The following CCNJL variants were observed in gnomAD, a reference collection of about 807,000 sequenced individuals.
The protein encoded by CCNJL is cyclin J like.
A neutral mutation model predicts 33.4 loss-of-function variants in CCNJL; 33 were observed. That is an observed-to-expected ratio of 0.99 (90% CI 0.75 to 1.32). CCNJL has a LOEUF of 1.32. CCNJL is among the 40% of genes most tolerant of loss of function. The pLI is 0.00. For missense variants in CCNJL, 512 were observed against 499.7 expected (o/e 1.02, Z -0.23); for synonymous variants, 227 against 220.9 (o/e 1.03, Z -0.24).
intron 1 of CCNJL, among the ~76,000 whole-genome samples, chr5:160,320,954 T>C (rs1763444186): frequency 6.9e-6 from 1 of 145,422 alleles, no homozygotes; most frequent in African/African-American, 2.6e-5. Context: ...CTTCCCTCCT[T>C]CTCTCCTCTC....
chr5:160,290,360 G>C (rs565492673), intron 2 of CCNJL, among the ~76,000 whole-genome samples: 1 of 151,778 alleles, frequency 6.6e-6, no homozygotes, highest in Non-Finnish European at 1.5e-5. Flanking sequence ...CCGCCTTCTA[G>C]GTTCAAGAGA....
chr5:160,298,408 G>A (rs532498532), intron 2 of CCNJL, among the ~76,000 whole-genome samples: 6 of 152,164 alleles, frequency 3.9e-5, no homozygotes, highest in African/African-American at 1.2e-4. Context: ...GGCAATTTGC[G>A]GGCTGCACAG....
intron 2 of CCNJL, among the ~76,000 whole-genome samples, chr5:160,302,953 T>C (rs939941055): frequency 5.3e-5 from 8 of 152,156 alleles, no homozygotes; most frequent in Non-Finnish European, 8.8e-5. Flanking sequence ...TCACGAGAAA[T>C]TGGGGTCAGT....
chr5:160,325,705 TG>T (rs1274093994), intron 1 of CCNJL, among the ~76,000 whole-genome samples: 12 of 152,160 alleles, frequency 7.9e-5, no homozygotes, highest in Non-Finnish European at 1.0e-4. Context: ...CAGCCCACAC[TG>T]TATTTTCAGA....
In CCNJL at chr5:160,253,288, C is replaced by T. The variant is rs984318616; in HGVS notation, c.*90G>A. ...TTCCAAGGCTCTTCAGGGATGGCCT[C>T]CTGCTGCCTCACTTGGCTGAGCTCT... On this transcript the variant is annotated 3_prime_UTR_variant, in exon 6 of 6. Transcript: ENST00000257536. 6.0e-6 allele frequency: 8 copies of T among 1,328,458 alleles called. No homozygotes were observed. Among genetic ancestry groups the T allele is most frequent in the Non-Finnish European group, 7.2e-6 (7 of 978,958 alleles). The allele number at this position is 1,328,458 out of a possible 1,614,324, so 82.3% of individuals were successfully genotyped here. A position where few individuals can be genotyped will look rare whatever the true frequency, so the allele number is the denominator to read the frequency against.
At chr5:160,283,432 G>C (rs189017928) in intron 2 of CCNJL, among the ~76,000 whole-genome samples, 1 of 152,276 alleles carries the variant, frequency 6.6e-6, no homozygotes, top group African/African-American at 2.4e-5. Context: ...GGTGATGATT[G>C]TATAGCTCTG....
In CCNJL at chr5:160,322,635, C is replaced by A. The variant is rs528302997; in HGVS notation, n.207-7130G>T. Among the ~76,000 whole-genome samples the A allele has an allele frequency of 2.4e-4, 37 of 152,338 alleles. No individual in the cohort carries two copies. In the East Asian group the frequency reaches 7.1e-3, roughly 29 times the overall value. Reference sequence around the variant, plus strand: ...TTTAAAAATGTCCCTCGGCTGGGCGCGGTGGCTCACGCCTGTAATCCCAGC... The same window carrying A: ...TTTAAAAATGTCCCTCGGCTGGGCGAGGTGGCTCACGCCTGTAATCCCAGC... On this transcript the variant is annotated intron_variant and non_coding_transcript_variant, in intron 1 of 7. Transcript: ENST00000377503.
intron 4 of CCNJL, among the ~76,000 whole-genome samples, chr5:160,258,913 T>C (rs1041144457): frequency 3.9e-5 from 6 of 152,212 alleles, no homozygotes; most frequent in Non-Finnish European, 7.3e-5. Context: ...GCCAGGATGG[T>C]CCCGATCTCC....
chr5:160,337,944 CT>C (rs1447679862), intron 1 of CCNJL, among the ~76,000 whole-genome samples: 1 of 152,174 alleles, frequency 6.6e-6, no homozygotes, highest in Non-Finnish European at 1.5e-5. Flanking sequence ...AATTTTGGGA[CT>C]TTCAGGGCTC....
At chr5:160,308,930 G>A (rs1763178902) in intron 2 of CCNJL, among the ~76,000 whole-genome samples, 1 of 152,226 alleles carries the variant, frequency 6.6e-6, no homozygotes, top group African/African-American at 2.4e-5. Flanking sequence ...ATAGAGGAAA[G>A]AGCCAGTGCA....
intron 2 of CCNJL, among the ~76,000 whole-genome samples, chr5:160,283,164 A>G (rs961600462): frequency 6.6e-6 from 1 of 151,628 alleles, no homozygotes; most frequent in Non-Finnish European, 1.5e-5. Flanking sequence ...AATGTAATGT[A>G]TCCATACAAC....
intron 2 of CCNJL, among the ~76,000 whole-genome samples, chr5:160,283,166 C>T (rs1335647013): frequency 6.6e-6 from 1 of 151,198 alleles, no homozygotes; most frequent in Non-Finnish European, 1.5e-5. Flanking sequence ...TGTAATGTAT[C>T]CATACAACAG....
chr5:160,289,658 C>G (rs11739281), intron 2 of CCNJL, among the ~76,000 whole-genome samples: 3 of 151,992 alleles, frequency 2.0e-5, no homozygotes, highest in African/African-American at 7.2e-5. Context: ...GAAAGTGCCC[C>G]GGAAAAGGCC....
chr5:160,298,930 G>C (rs950366392), intron 2 of CCNJL, among the ~76,000 whole-genome samples: 1 of 152,092 alleles, frequency 6.6e-6, no homozygotes, highest in African/African-American at 2.4e-5. Context: ...CAGGGTAGGG[G>C]ACCATTGGAG....
At chr5:160,260,807 C>T (rs535936922) in intron 3 of CCNJL, among the ~76,000 whole-genome samples, 3 of 152,288 alleles carry the variant, frequency 2.0e-5, no homozygotes, top group African/African-American at 4.8e-5. Flanking sequence ...ATCCCCTCCT[C>T]ACTCAGCCAA....
rs766921931 is a variant in CCNJL at position 160,280,627 on chromosome 5, G to A, written c.178C>T (p.Arg60Trp). The change falls in exon 3 of 6, where the codon CGG becomes TGG. Residue 60 changes from arginine to tryptophan, a missense_variant. Transcript: ENST00000257536. ...SSHCQLCPAARHLAVYLLDHF... is the reference protein window; with the variant it reads ...SSHCQLCPAAWHLAVYLLDHF... ...TCCAGCAGGTAGACGGCCAGGTGCC[G>A]GGCTGCAGGGCAGAGCTGGCAGTGG... 23 of 1,613,554 alleles carry A rather than the reference G, an allele frequency of 1.4e-5. No individual in the cohort carries two copies. In the Admixed American group the frequency reaches 1.8e-4, roughly 13 times the overall value.
chr5:160,324,302 G>A (rs971454321), intron 1 of CCNJL, among the ~76,000 whole-genome samples: 1 of 152,228 alleles, frequency 6.6e-6, no homozygotes, highest in Non-Finnish European at 1.5e-5. Flanking sequence ...GCCAGGCGTG[G>A]TGGCTCATGC....
rs976634561 is a variant in CCNJL, at chr5:160,326,827, G to A, written n.207-11322C>T. On this transcript the variant is annotated intron_variant and non_coding_transcript_variant, in intron 1 of 7. Transcript: ENST00000377503. ...TGAGCAAGTGAATATGCGGATAGAA[G>A]GCTGTATCATTAGTTTTGATGAGTA... 1.4e-5 allele frequency: 11 copies of A among 799,158 alleles called. No individual in the cohort carries two copies. The African/African-American group carries it at 1.9e-4, about 14-fold the overall frequency. The allele number at this position is 799,158 out of a possible 1,614,324, so 49.5% of individuals were successfully genotyped here. A position where few individuals can be genotyped will look rare whatever the true frequency, so the allele number is the denominator to read the frequency against.
chr5:160,256,036 G>A (rs1761049389), intron 4 of CCNJL, among the ~76,000 whole-genome samples: 1 of 152,126 alleles, frequency 6.6e-6, no homozygotes, highest in Non-Finnish European at 1.5e-5. Context: ...CTACAGGCAT[G>A]TACAAACACA....
Sources: gnomAD v4.1 joint callset for allele counts (sites outside exome capture counted in the v4.1 genomes callset) on GRCh38, gnomAD v4.1.1 for gene constraint, MANE v1.5 for transcripts, NCBI Gene and HGNC (gene_info 2026-07-23, HGNC 2026-07-21) for gene names.